PRKN: variants seen among roughly 807,000 people sequenced by gnomAD.
PRKN encodes E3 ubiquitin-protein ligase parkin.
In PRKN, 56 loss-of-function variants were observed where a neutral mutation model predicts 59.5. The ratio of observed to expected loss-of-function variants is 0.94; its 90% CI spans 0.76 to 1.18. The LOEUF is 1.18. Among genes scored for constraint, PRKN ranks in the 50% most tolerant of loss-of-function variants. The pLI, the probability that PRKN is intolerant of heterozygous loss-of-function variation, is 0.00. For synonymous variants in PRKN, 250 were observed against 222.1 expected (o/e 1.13, Z -1.12); for missense variants, 657 against 596.4 (o/e 1.10, Z -1.06).
At position 162,248,573 on chromosome 6, in the gene PRKN, C is replaced by T. The variant is rs191931677; in HGVS notation, c.412+13952G>A. Among the ~76,000 whole-genome samples, 667 of 152,212 alleles carry T rather than the reference C, an allele frequency of 4.4e-3. 4 individuals are homozygous for T. Among genetic ancestry groups the T allele is most frequent in the Non-Finnish European group, 5.4e-3 (368 of 68,018 alleles). ...AACTACTGATACTTCAAAGAATAGA[C>T]TCTTGGGTACTGGCGTTAGAGCTGA... On this transcript the variant is annotated intron_variant, in intron 3 of 11. Transcript: ENST00000366898.
chr6:161,673,256 G>A (rs773627344), intron 7 of PRKN, among the ~76,000 whole-genome samples: 4 of 152,204 alleles, frequency 2.6e-5, no homozygotes, highest in Non-Finnish European at 5.9e-5. Context: ...CAAGTCCCAT[G>A]GGGATAAGTG....
chr6:161,348,853 A>G lies in PRKN; in HGVS notation c.*1246T>C, dbSNP rs1015592643. The G allele has an allele frequency of 4.8e-6, 1 of 207,186 alleles. No individual in the cohort carries two copies. The highest frequency in any genetic ancestry group is 9.8e-6 in the Non-Finnish European group (1 of 101,566). The allele number at this position is 207,186 out of a possible 1,614,324, so 12.8% of individuals were successfully genotyped here. On this transcript the variant is annotated 3_prime_UTR_variant, in exon 12 of 12. Coordinates refer to ENST00000366898, the MANE Select transcript of PRKN (RefSeq NM_004562.3). The surrounding 1 kb of genome is among the most constrained non-coding windows in gnomAD (Gnocchi z 4.9). ...TAAGAGCATGCGGTTTGCCGCATGC[A>G]GTGTTGTTAATCTTTTGATTGTGTT... is the stretch of plus-strand genomic sequence containing the variant.
rs1305791720 is a variant in PRKN, at chr6:161,467,579, G to A, written c.1084-80702C>T. On this transcript the variant is annotated intron_variant, in intron 9 of 11. Coordinates refer to ENST00000366898, the MANE Select transcript of PRKN (RefSeq NM_004562.3). The surrounding 1 kb of genome is among the most constrained non-coding windows in gnomAD (Gnocchi z 4.3). ...GCAGATTGCTATGGGAATGCAGGTTGAGAGGTGCTGAGCCTAAAAGGAGGA... is the reference window on the plus strand; with the variant it reads ...GCAGATTGCTATGGGAATGCAGGTTAAGAGGTGCTGAGCCTAAAAGGAGGA... Among the ~76,000 whole-genome samples, 1 of 152,194 alleles carries A rather than the reference G, an allele frequency of 6.6e-6. No individual in the cohort carries two copies. Among genetic ancestry groups the A allele is most frequent in the Non-Finnish European group, 1.5e-5 (1 of 68,030 alleles).
chr6:162,678,710 T>C (rs1258564234), intron 1 of PRKN, among the ~76,000 whole-genome samples: 4 of 152,314 alleles, frequency 2.6e-5, no homozygotes, highest in East Asian at 1.9e-4. Context: ...TTATCAGATA[T>C]GTAATTTGCA....
intron 1 of PRKN, among the ~76,000 whole-genome samples, chr6:162,513,834 A>T (rs1777733273): frequency 6.6e-6 from 1 of 152,084 alleles, no homozygotes; most frequent in South Asian, 2.1e-4. Flanking sequence ...CAGGTGGACC[A>T]CTTGAAGTCA....
At chr6:161,541,424 C>T (rs945147431) in intron 9 of PRKN, among the ~76,000 whole-genome samples, 2 of 152,216 alleles carry the variant, frequency 1.3e-5, no homozygotes, top group Non-Finnish European at 2.9e-5. Flanking sequence ...CTGTTCTGAG[C>T]TCTCTGCAGC....
At chr6:162,045,156 C>T (rs1265446761) in intron 5 of PRKN, among the ~76,000 whole-genome samples, 1 of 152,186 alleles carries the variant, frequency 6.6e-6, no homozygotes, top group African/African-American at 2.4e-5. Flanking sequence ...CTCTACTCGG[C>T]TAGATTCCTA....
At chr6:161,610,482 A>C (rs1364112626) in intron 7 of PRKN, among the ~76,000 whole-genome samples, 1 of 141,064 alleles carries the variant, frequency 7.1e-6, no homozygotes, top group Non-Finnish European at 1.5e-5. Context: ...ATGTATATGT[A>C]TATTAATAAT....
chr6:162,146,511 A>T (rs558863769), intron 4 of PRKN, among the ~76,000 whole-genome samples: 6 of 150,306 alleles, frequency 4.0e-5, no homozygotes, highest in Admixed American at 2.7e-4. Context: ...TATATATATA[A>T]ATTTTTTTTT....
chr6:161,413,336 C>G lies in PRKN; in HGVS notation c.1084-26459G>C, dbSNP rs1401817838. On this transcript the variant is annotated intron_variant, in intron 9 of 11. Coordinates refer to ENST00000366898, the MANE Select transcript of PRKN (RefSeq NM_004562.3). The surrounding 1 kb of genome is among the most constrained non-coding windows in gnomAD (Gnocchi z 4.4). ...TCCTCCCTCCGCTTTCCCTTCACTT[C>G]CTGAGTCTCTTTCCATTAGAAGAAG... Among the ~76,000 whole-genome samples the G allele has an allele frequency of 2.0e-5, 3 of 152,202 alleles. No individual in the cohort carries two copies. Among genetic ancestry groups the G allele is most frequent in the African/African-American group, 7.2e-5 (3 of 41,436 alleles).
At chr6:161,818,042 A>T (rs1161804442) in intron 6 of PRKN, among the ~76,000 whole-genome samples, 2 of 152,232 alleles carry the variant, frequency 1.3e-5, no homozygotes, top group African/African-American at 2.4e-5. Flanking sequence ...GGTTAATCAA[A>T]TCATAACACA....
At chr6:162,671,935 C>T (rs1052666936) in intron 1 of PRKN, among the ~76,000 whole-genome samples, 4 of 151,830 alleles carry the variant, frequency 2.6e-5, no homozygotes, top group South Asian at 2.1e-4. Flanking sequence ...CGGAGGCAGA[C>T]ACCAGGGCTG....
intron 6 of PRKN, among the ~76,000 whole-genome samples, chr6:161,859,016 C>T (rs1180426294): frequency 1.3e-5 from 2 of 151,098 alleles, no homozygotes; most frequent in Non-Finnish European, 2.9e-5. Context: ...ATTACAGGTG[C>T]CCACCAACAT....
intron 4 of PRKN, among the ~76,000 whole-genome samples, chr6:162,116,692 C>A (rs747729635): frequency 6.6e-6 from 1 of 152,158 alleles, no homozygotes; most frequent in African/African-American, 2.4e-5. Context: ...AAGGTGCTCA[C>A]AGTCTAGACA....
At chr6:162,140,252 T>C (rs186577558) in intron 4 of PRKN, among the ~76,000 whole-genome samples, 26 of 152,356 alleles carry the variant, frequency 1.7e-4, no homozygotes, top group Admixed American at 1.6e-3. Context: ...AGAGCCACAA[T>C]TGCCCTTCTA....
intron 6 of PRKN, among the ~76,000 whole-genome samples, chr6:161,911,570 T>G (rs1583335262): frequency 6.6e-6 from 1 of 152,138 alleles, no homozygotes; most frequent in Non-Finnish European, 1.5e-5. Context: ...CTGTTTTCCA[T>G]GTACCTAAAA....
At chr6:162,560,018 T>C (rs1031193777) in intron 1 of PRKN, among the ~76,000 whole-genome samples, 1 of 152,240 alleles carries the variant, frequency 6.6e-6, no homozygotes, top group African/African-American at 2.4e-5. Flanking sequence ...TAACATCTGA[T>C]ACCATTATTA....
chr6:161,662,273 C>T (rs1784576257), intron 7 of PRKN, among the ~76,000 whole-genome samples: 1 of 152,148 alleles, frequency 6.6e-6, no homozygotes, highest in Non-Finnish European at 1.5e-5. Context: ...TCTGCCTGTG[C>T]TGACCTGGAT....
chr6:162,366,102 T>C (rs10945817), intron 2 of PRKN, among the ~76,000 whole-genome samples: 42,342 of 152,130 alleles, frequency 0.28, 6,026 homozygotes, highest in East Asian at 0.31. Flanking sequence ...TCACCAATAT[T>C]ATGGCAACGG....
Sources: allele counts gnomAD v4.1 joint callset (sites outside exome capture counted in the v4.1 genomes callset), GRCh38; gene constraint gnomAD v4.1.1; non-coding constraint Gnocchi (gnomAD v3.1); transcripts MANE v1.5; gene names NCBI Gene and HGNC (gene_info 2026-07-23, HGNC 2026-07-21).